Variants in AGGF1 observed in about 807,000 individuals in gnomAD.
The protein encoded by AGGF1 is angiogenic factor with G patch and FHA domains 1.
Under a neutral mutation model 86.5 loss-of-function variants are expected in AGGF1, and 56 were observed. That is an observed-to-expected ratio of 0.65 (90% confidence interval 0.52 to 0.81). The LOEUF (loss-of-function observed/expected upper bound fraction) is 0.81. Ranked by LOEUF, AGGF1 falls within the 30% of genes least tolerant of loss-of-function variation. The pLI, the probability that AGGF1 is intolerant of heterozygous loss-of-function variation, is 0.00. For synonymous variants in AGGF1, 313 were observed against 297.1 expected (o/e 1.05, Z -0.55); for missense variants, 816 against 850.9 (o/e 0.96, Z 0.51).
Position 77,048,220 on chromosome 5 carries a change from C to G in AGGF1, c.1261C>G (p.Gln421Glu), listed in dbSNP as rs771846011. The G allele has an allele frequency of 6.2e-7, 1 of 1,613,776 alleles. No homozygotes were observed. The stretch of plus-strand genomic sequence containing the variant: ...AATTGTCATTAGATCACCTGTGTTG[C>G]AGATAGGATCACTCTTTATCATTAC... Reference protein sequence around the residue: ...RVIVIRSPVLQIGSLFIITAV... With the variant: ...RVIVIRSPVLEIGSLFIITAV... The change falls in exon 7 of 14, where the codon CAG (glutamine) becomes GAG (glutamate). Residue 421 changes from glutamine (Q) to glutamate (E), a missense_variant. Coordinates refer to ENST00000312916, the MANE Select transcript of AGGF1 (RefSeq NM_018046.5).
chr5:77,048,783 G>C (rs1350348712), intron 7 of AGGF1, among the ~76,000 whole-genome samples, 153 bp from the exon 8 acceptor site: 1 of 152,224 alleles, frequency 6.6e-6, no homozygotes, highest in Non-Finnish European at 1.5e-5. Flanking sequence ...AGGAAATCTA[G>C]AGTAGCAGTA....
chr5:77,059,803 G>A, intron 12 of AGGF1, 60 bp downstream of exon 12: 1 of 1,600,836 alleles, frequency 6.2e-7, no homozygotes, highest in African/African-American at 1.3e-5. Flanking sequence ...TTCATAGGGT[G>A]GTCTGATGTT....
chr5:77,034,444 A>G lies in AGGF1; in HGVS notation c.237A>G (p.Gln79=). ...TGGAAGAACTCAGTAAAATACTCCA[A>G]CGTGGGAGAAATGAAGATAATAAAA... is the stretch of plus-strand genomic sequence containing the variant. ...TQVEELSKIL[Q]RGRNEDNKKS... Residue 79 remains glutamine (Q), a synonymous_variant, in exon 2 of 14, where the codon CAA becomes CAG. Coordinates refer to ENST00000312916, the MANE Select transcript of AGGF1 (RefSeq NM_018046.5). The G allele has an allele frequency of 6.2e-7, 1 of 1,613,214 alleles. No individual in the cohort carries two copies. The highest frequency in any genetic ancestry group is 8.5e-7 in the Non-Finnish European group (1 of 1,179,302).
At chr5:77,060,121 C>T (rs767261954) in intron 12 of AGGF1, among the ~76,000 whole-genome samples, 42 of 152,178 alleles carry the variant, frequency 2.8e-4, no homozygotes, top group African/African-American at 9.7e-4. Flanking sequence ...GGATTACCGG[C>T]GTGAGCTACC....
chr5:77,046,685 A>G lies in AGGF1; in HGVS notation c.1201+8A>G. The G allele has an allele frequency of 1.2e-6, 2 of 1,612,226 alleles. No homozygotes were observed. Among genetic ancestry groups the G allele is most frequent in the East Asian group, 2.2e-5 (1 of 44,840 alleles). On this transcript the variant is annotated splice_region_variant and intron_variant, in intron 6 of 13. Transcript: ENST00000312916. ...AAGATAGTGAGGATGAAGGTGAGTAAATAATCATTATTTAAGTAAATAGCC... is the reference window on the plus strand; with the variant it reads ...AAGATAGTGAGGATGAAGGTGAGTAGATAATCATTATTTAAGTAAATAGCC...
chr5:77,043,912 C>T (rs1482728031), intron 5 of AGGF1, among the ~76,000 whole-genome samples: 4 of 141,464 alleles, frequency 2.8e-5, no homozygotes, highest in South Asian at 2.3e-4. Flanking sequence ...GGGTCTCGGC[C>T]GGGCAGAGGC....
chr5:77,046,895 T>C (rs1747266068), intron 6 of AGGF1, among the ~76,000 whole-genome samples: 1 of 152,238 alleles, frequency 6.6e-6, no homozygotes. Context: ...TTTCATTGTA[T>C]TGAATGGCAT....
At chr5:77,060,973 G>A (rs1459593465) in intron 12 of AGGF1, among the ~76,000 whole-genome samples, 2 of 152,134 alleles carry the variant, frequency 1.3e-5, no homozygotes, top group Non-Finnish European at 2.9e-5. Flanking sequence ...TTGTGGAACT[G>A]AAAAGATAGA....
intron 1 of AGGF1, among the ~76,000 whole-genome samples, chr5:77,031,444 C>G (rs879387992): frequency 3.3e-5 from 5 of 152,196 alleles, no homozygotes. Flanking sequence ...CTTTTGAATG[C>G]TATACCTGTT....
At position 77,035,736 on chromosome 5, in the gene AGGF1, A is replaced by G. The variant is rs775698733; in HGVS notation, c.509A>G (p.Asn170Ser). 30 of 1,612,678 alleles carry G rather than the reference A, an allele frequency of 1.9e-5. No individual in the cohort carries two copies. The highest frequency in any genetic ancestry group is 2.4e-5 in the Non-Finnish European group (28 of 1,178,970). The change falls in exon 3 of 14, where the codon AAT becomes AGT. Residue 170 changes from asparagine (N) to serine (S), a missense_variant. Asn to Ser is a conservative substitution (Grantham distance 46, BLOSUM62 1). Around this residue, in one of 3 missense-constraint regions of AGGF1, gnomAD observed 240 missense variants for 234.4 expected, o/e 1.02. Coordinates refer to ENST00000312916, the MANE Select transcript of AGGF1 (RefSeq NM_018046.5). ...AGACAAGTGGACCATTTTGCCTCAA[A>G]TTCACAGGTAATAAAATGCTAAACA... Reference protein sequence around the residue: ...KYRQVDHFASNSQEPASALAT... With the variant: ...KYRQVDHFASSSQEPASALAT...
chr5:77,058,644 A>G (rs1447751036), intron 11 of AGGF1, among the ~76,000 whole-genome samples: 4 of 152,206 alleles, frequency 2.6e-5, no homozygotes, highest in Non-Finnish European at 4.4e-5. Flanking sequence ...TTCTCTTTTT[A>G]AAAGCAAAAT....
chr5:77,053,821 A>G lies in AGGF1; in HGVS notation c.1468-144A>G, dbSNP rs553093913. The G allele has an allele frequency of 6.7e-5, 54 of 811,500 alleles. No individual in the cohort carries two copies. In the South Asian group the frequency reaches 7.7e-4, roughly 12 times the overall value. 50.3% of individuals were successfully genotyped at this position (811,500 alleles called of 1,614,324 possible). On this transcript the variant is annotated intron_variant, in intron 9 of 13. Transcript: ENST00000312916. ...GTCATTAAGTTGGGGAAGTGTGTGCATGTGTGTATGTGTATGTGTCTATTT... is the reference window on the plus strand; with the variant it reads ...GTCATTAAGTTGGGGAAGTGTGTGCGTGTGTGTATGTGTATGTGTCTATTT...
rs1010662948 is a variant in AGGF1 at position 77,065,123 on chromosome 5, A to ACT, written c.*1872_*1873dup. The ACT allele has an allele frequency of 6.6e-6, 1 of 152,192 alleles. No homozygotes were observed. Among genetic ancestry groups the ACT allele is most frequent in the African/African-American group, 2.4e-5 (1 of 41,464 alleles). 9.4% of individuals were successfully genotyped at this position (152,192 alleles called of 1,614,324 possible). ...CAAATGAGAAAATGTATATAAAAGC[A>ACT]CTTTGTAAATTGTAAAAGTAGTACA... On this transcript the variant is annotated 3_prime_UTR_variant, in exon 14 of 14. Transcript: ENST00000312916.
chr5:77,034,623 G>C, intron 2 of AGGF1, 103 bp downstream of exon 2: 2 of 839,140 alleles, frequency 2.4e-6, no homozygotes, highest in Non-Finnish European at 4.1e-6. Flanking sequence ...AGGTAAATGA[G>C]AATTGTTAAT....
At chr5:77,041,837 T>A (rs1747093084) in intron 5 of AGGF1, among the ~76,000 whole-genome samples, 1 of 148,192 alleles carries the variant, frequency 6.7e-6, no homozygotes, top group Non-Finnish European at 1.5e-5. Context: ...TTTTTATTGA[T>A]AATTCTTGGG....
chr5:77,034,931 A>G (rs1340289142), intron 2 of AGGF1, among the ~76,000 whole-genome samples: 1 of 152,248 alleles, frequency 6.6e-6, no homozygotes, highest in Non-Finnish European at 1.5e-5. Context: ...TATGAATGGC[A>G]TTATGTTATA....
intron 11 of AGGF1, among the ~76,000 whole-genome samples, chr5:77,056,717 A>T (rs1348377853): frequency 6.6e-6 from 1 of 152,168 alleles, no homozygotes; most frequent in Admixed American, 6.5e-5. Context: ...AAAGGCAAAG[A>T]TTCTAACACC....
chr5:77,054,073 T>G lies in AGGF1; in HGVS notation c.1576T>G (p.Cys526Gly), dbSNP rs777029470. The change falls in exon 10 of 14, where the codon TGT becomes GGT. Residue 526 changes from cysteine (C) to glycine (G), a missense_variant. Transcript: ENST00000312916. ...IHPGSDTCDG[C>G]EPGQVRAHLR... is the part of the protein sequence containing the mutation. ...TCCTGGCAGTGATACCTGTGATGGC[T>G]GTGAACCAGGGCAGGTTAGAGCCCA... 7 of 1,614,216 alleles carry G rather than the reference T, an allele frequency of 4.3e-6. No individual in the cohort carries two copies. Among genetic ancestry groups the G allele is most frequent in the Non-Finnish European group, 4.2e-6 (5 of 1,180,020 alleles).
At chr5:77,049,942 C>T (rs968749998) in intron 8 of AGGF1, among the ~76,000 whole-genome samples, 1 of 151,976 alleles carries the variant, frequency 6.6e-6, no homozygotes, top group Non-Finnish European at 1.5e-5. Flanking sequence ...TTTTGCTTTT[C>T]TCTTTTTTTG....
Sources: gnomAD v4.1 joint callset for allele counts (sites outside exome capture counted in the v4.1 genomes callset) on GRCh38, gnomAD v4.1.1 for gene constraint, gnomAD v4.1.1 regional missense constraint, MANE v1.5 for transcripts, NCBI Gene and HGNC (gene_info 2026-07-23, HGNC 2026-07-21) for gene names.